The following CRISPLD1 variants were observed in gnomAD, a reference collection of about 807,000 sequenced individuals.
The protein encoded by CRISPLD1 is cysteine-rich secretory protein LCCL domain-containing 1.
Under a neutral mutation model 77.5 loss-of-function variants are expected in CRISPLD1, and 60 were observed. That is an observed-to-expected ratio of 0.77 (90% CI 0.63 to 0.96). The LOEUF is 0.96. Ranked by LOEUF, CRISPLD1 falls within the 40% of genes least tolerant of loss-of-function variation. The pLI, the probability that CRISPLD1 is intolerant of heterozygous loss-of-function variation, is 0.00. For missense variants in CRISPLD1, 623 were observed against 615.8 expected, an observed-to-expected ratio of 1.01 and a Z score of -0.12; for synonymous variants, 195 against 200.1, an observed-to-expected ratio of 0.97 and a Z score of 0.22.
At chr8:75,003,286 A>C (rs758218358) in intron 2 of CRISPLD1, among the ~76,000 whole-genome samples, 2 of 152,182 alleles carry the variant, frequency 1.3e-5, no homozygotes, top group Non-Finnish European at 1.5e-5. Flanking sequence ...TTGGATGTCA[A>C]ATTGTAGATT....
At chr8:75,029,315 T>C in intron 13 of CRISPLD1, 72 bp from the exon 14 acceptor site, 1 of 1,481,544 alleles carries the variant, frequency 6.7e-7, no homozygotes, top group Non-Finnish European at 9.1e-7. Flanking sequence ...AGTCTATTAA[T>C]AATAGAAGAA....
intron 14 of CRISPLD1, among the ~76,000 whole-genome samples, chr8:75,030,927 CATAT>C (rs762735758): frequency 3.4e-4 from 51 of 151,716 alleles, no homozygotes; most frequent in African/African-American, 1.2e-3. Context: ...TACACATATA[CATAT>C]ATATATGTTA....
chr8:75,017,338 G>C lies in CRISPLD1; in HGVS notation c.1015G>C (p.Ala339Pro). ...TTCCAAGCAATCCAGCATCTGTAGA[G>C]CTGCAATTCATTATGGTATAATAGA... ...HYEMQSSICR[A>P]AIHYGIIDND... The change falls in exon 10 of 15, where the codon GCT (alanine) becomes CCT (proline). Residue 339 changes from alanine to proline, a missense_variant. Transcript: ENST00000262207. 6.2e-7 allele frequency: 1 copy of C among 1,608,840 alleles called. No individual in the cohort carries two copies. The highest frequency in any genetic ancestry group is 1.1e-5 in the South Asian group (1 of 89,324).
intron 10 of CRISPLD1, 37 bp from the exon 11 acceptor site, chr8:75,019,833 A>T: frequency 6.5e-7 from 1 of 1,548,818 alleles, no homozygotes; most frequent in Non-Finnish European, 8.9e-7. Flanking sequence ...TGATGCCTAT[A>T]TGAAAATAAT....
At chr8:75,028,867 A>G (rs1813281508) in intron 13 of CRISPLD1, among the ~76,000 whole-genome samples, 1 of 151,800 alleles carries the variant, frequency 6.6e-6, no homozygotes, top group South Asian at 2.1e-4. Flanking sequence ...ATTATTTACT[A>G]AGAAAAAAAC....
intron 14 of CRISPLD1, among the ~76,000 whole-genome samples, chr8:75,030,826 A>ATG (rs367643781): frequency 0.013 from 2,015 of 151,620 alleles, 19 homozygotes; most frequent in Middle Eastern, 0.027. Flanking sequence ...GTATGTATAT[A>ATG]TGTGTTTCTG....
chr8:74,984,918 G>A lies in CRISPLD1; in HGVS notation c.-65G>A, dbSNP rs1216393183. 6.6e-6 allele frequency: 1 copy of A among 152,108 alleles called. No individual in the cohort carries two copies. The highest frequency in any genetic ancestry group is 1.5e-5 in the Non-Finnish European group (1 of 68,078). The allele number at this position is 152,108 out of a possible 1,614,324, so 9.4% of individuals were successfully genotyped here. ...CTCTCCCAGGAAACTTCACACTGGA[G>A]AGGTAAGGGCGATTCTAAAATGCAT... On this transcript the variant is annotated splice_region_variant and 5_prime_UTR_variant, in exon 1 of 15. Coordinates refer to ENST00000262207, the MANE Select transcript of CRISPLD1 (RefSeq NM_031461.6).
intron 2 of CRISPLD1, 68 bp downstream of exon 2, chr8:74,986,313 A>G (rs1260737994): frequency 1.4e-6 from 2 of 1,415,078 alleles, no homozygotes; most frequent in Admixed American, 1.9e-5. Context: ...AGCAGTCTTC[A>G]TGCTGTTCTT....
chr8:75,020,131 C>A, intron 12 of CRISPLD1, 52 bp downstream of exon 12: 1 of 1,409,594 alleles, frequency 7.1e-7, no homozygotes, highest in South Asian at 1.2e-5. Flanking sequence ...CTGTTTTTGC[C>A]TGAAATTCTG....
intron 2 of CRISPLD1, among the ~76,000 whole-genome samples, chr8:74,992,413 A>T (rs1812585759): frequency 6.6e-6 from 1 of 152,248 alleles, no homozygotes; most frequent in East Asian, 1.9e-4. Context: ...ATAATAAAAC[A>T]GATTGATGAG....
chr8:75,015,608 T>A (rs1056253483), intron 6 of CRISPLD1, among the ~76,000 whole-genome samples: 1 of 152,212 alleles, frequency 6.6e-6, no homozygotes, highest in Non-Finnish European at 1.5e-5. Flanking sequence ...AGAGGAATAA[T>A]GTAGACGAAG....
Position 75,017,544 on chromosome 8 carries a change from A to T in CRISPLD1, c.1127+94A>T. On this transcript the variant is annotated intron_variant, in intron 10 of 14. Transcript: ENST00000262207. ...TTAGAGCAAAGCATAGAATAATTTA[A>T]GAAGAAAGAATTTGGTTATTTTCAA... 2.9e-5 allele frequency: 31 copies of T among 1,077,048 alleles called. No homozygotes were observed. In the South Asian group the frequency reaches 6.1e-4, roughly 21 times the overall value. The allele number at this position is 1,077,048 out of a possible 1,614,324, so 66.7% of individuals were successfully genotyped here.
intron 2 of CRISPLD1, among the ~76,000 whole-genome samples, chr8:75,003,420 T>A (rs1412036711): frequency 6.6e-6 from 1 of 152,220 alleles, no homozygotes; most frequent in Non-Finnish European, 1.5e-5. Context: ...CAATTATTTT[T>A]TATTTACTTT....
intron 6 of CRISPLD1, among the ~76,000 whole-genome samples, chr8:75,015,238 C>G (rs1813007491): frequency 6.6e-6 from 1 of 151,966 alleles, no homozygotes; most frequent in African/African-American, 2.4e-5. Context: ...TAACTGTCAT[C>G]TTTTTTTAAA....
intron 2 of CRISPLD1, among the ~76,000 whole-genome samples, chr8:75,003,505 G>T (rs1812779868): frequency 6.6e-6 from 1 of 152,036 alleles, no homozygotes; most frequent in Admixed American, 6.6e-5. Flanking sequence ...ACTGTAGAGG[G>T]ATTTTTTAAT....
chr8:75,012,496 G>A lies in CRISPLD1; in HGVS notation c.322G>A (p.Gly108Arg), dbSNP rs367850815. Residue 108 changes from glycine to arginine, a missense_variant, in exon 3 of 15, where the codon GGA becomes AGA. Physicochemically the swap from Gly to Arg is moderately radical, Grantham distance 125. Coordinates refer to ENST00000262207, the MANE Select transcript of CRISPLD1 (RefSeq NM_031461.6). The part of the protein sequence containing the change: ...SWAESCLWEH[G>R]PASLLPSIGQ... Reference sequence around the variant, plus strand: ...GGCTGAAAGTTGCTTGTGGGAACATGGACCTGCAAGCTTGCTTCCATCAAT... The same window carrying A: ...GGCTGAAAGTTGCTTGTGGGAACATAGACCTGCAAGCTTGCTTCCATCAAT... The A allele has an allele frequency of 3.8e-5, 61 of 1,612,986 alleles. No homozygotes were observed. The highest frequency in any genetic ancestry group is 4.5e-5 in the Non-Finnish European group (53 of 1,179,296).
At chr8:75,011,406 G>A (rs1298213466) in intron 2 of CRISPLD1, among the ~76,000 whole-genome samples, 1 of 150,908 alleles carries the variant, frequency 6.6e-6, no homozygotes, top group Non-Finnish European at 1.5e-5. Flanking sequence ...CTTCATCACT[G>A]TCACTTGGGT....
In CRISPLD1 at chr8:75,016,675, A is replaced by G. The variant is rs759396629; in HGVS notation, c.838A>G (p.Arg280Gly). Residue 280 changes from arginine to glycine, a missense_variant, in exon 7 of 15, where the codon AGA becomes GGA. Physicochemically the swap from Arg to Gly is moderately radical, Grantham distance 125. Transcript: ENST00000262207. ...CCGGACAAGATCAGATGATAGTAGC[A>G]GAAATGAAGTCATAAGCGCACAGCA... ...HVRTRSDDSS[R>G]NEVISAQQMS... is the part of the protein sequence containing the mutation. 1 of 1,613,262 alleles carries G rather than the reference A, an allele frequency of 6.2e-7. No homozygotes were observed. The highest frequency in any genetic ancestry group is 8.5e-7 in the Non-Finnish European group (1 of 1,179,414).
At position 75,012,494 on chromosome 8, in the gene CRISPLD1, A is replaced by G. The variant is rs1812949778; in HGVS notation, c.320A>G (p.His107Arg). The change falls in exon 3 of 15, where the codon CAT becomes CGT. Residue 107 changes from histidine to arginine, a missense_variant. By Grantham distance (29) the His-to-Arg change is conservative (BLOSUM62 0). Transcript: ENST00000262207. ...ESWAESCLWE[H>R]GPASLLPSIG... ...TGGGCTGAAAGTTGCTTGTGGGAAC[A>G]TGGACCTGCAAGCTTGCTTCCATCA... 3 of 1,613,110 alleles carry G rather than the reference A, an allele frequency of 1.9e-6. No individual in the cohort carries two copies. Among genetic ancestry groups the G allele is most frequent in the African/African-American group, 1.3e-5 (1 of 74,888 alleles).
Sources: gnomAD v4.1 joint callset for allele counts (sites outside exome capture counted in the v4.1 genomes callset) on GRCh38, gnomAD v4.1.1 for gene constraint, MANE v1.5 for transcripts, NCBI Gene and HGNC (gene_info 2026-07-23, HGNC 2026-07-21) for gene names.